The following THSD1 variants were observed in gnomAD, a reference collection of about 807,000 sequenced individuals.
THSD1 encodes the protein thrombospondin type-1 domain-containing protein 1.
Under a neutral mutation model 46.3 loss-of-function variants are expected in THSD1, and 34 were observed. That is an observed-to-expected ratio of 0.74 (90% CI 0.56 to 0.98). The LOEUF (loss-of-function observed/expected upper bound fraction) is 0.98. Among genes scored for constraint, THSD1 ranks in the 50% least tolerant of loss-of-function variants. THSD1 has a pLI of 0.00. For synonymous variants in THSD1, 407 were observed against 416.5 expected, an observed-to-expected ratio of 0.98 and a Z score of 0.28; for missense variants, 1,023 against 1,058.3, an observed-to-expected ratio of 0.97 and a Z score of 0.46.
At chr13:52,401,192 C>T (rs1175489546) in intron 2 of THSD1, among the ~76,000 whole-genome samples, 2 of 152,196 alleles carry the variant, frequency 1.3e-5, no homozygotes, top group African/African-American at 2.4e-5. Context: ...CCAGGATGGT[C>T]TCAATCTCTT....
intron 1 of THSD1, among the ~76,000 whole-genome samples, chr13:52,403,938 A>ATTTTTTTTTTTTT (rs67802176): frequency 1.6e-5 from 1 of 63,920 alleles, no homozygotes; most frequent in East Asian, 6.6e-4. Flanking sequence ...CATTATTCAC[A>ATTTTTTTTTTTTT]TTTTTTTTTT....
intron 3 of THSD1, among the ~76,000 whole-genome samples, chr13:52,387,321 C>T (rs1413316943): frequency 6.6e-6 from 1 of 152,118 alleles, no homozygotes; most frequent in East Asian, 1.9e-4. Context: ...CTATATTAAC[C>T]CAATACCCAA....
intron 2 of THSD1, among the ~76,000 whole-genome samples, chr13:52,401,751 C>T (rs185582245): frequency 2.4e-3 from 360 of 152,318 alleles, no homozygotes; most frequent in South Asian, 0.014. Flanking sequence ...ACCAGCTATG[C>T]CATTCACATT....
chr13:52,386,028 C>T lies in THSD1; in HGVS notation c.1180G>A (p.Ala394Thr), dbSNP rs772795465. ...TCCCGAAGGAAGCAAGAATACCTAC[C>T]AGCACACTCCTCCAGGGAACACAGG... ...ASLCSLEECA[A>T]FQPSSPSPLQ... Residue 394 changes from alanine (A) to threonine (T), a missense_variant and splice_region_variant, in exon 4 of 5, where the codon GCT (alanine) becomes ACT (threonine). Physicochemically the swap from Ala to Thr is moderately conservative, Grantham distance 58 (BLOSUM62 0). Coordinates refer to ENST00000258613, the MANE Select transcript of THSD1 (RefSeq NM_018676.4). 1.2e-6 allele frequency: 2 copies of T among 1,613,492 alleles called. No individual in the cohort carries two copies. Among genetic ancestry groups the T allele is most frequent in the South Asian group, 2.2e-5 (2 of 91,016 alleles).
chr13:52,388,321 G>A lies in THSD1; in HGVS notation c.1022-2135C>T, dbSNP rs868299141. ...AGAAATGTTCAAAGAAATCCTTTGG[G>A]CAGAAAGAAAATGTTACCAGACAAA... On this transcript the variant is annotated intron_variant, in intron 3 of 4. Transcript: ENST00000258613. Among the ~76,000 whole-genome samples, 5 of 152,102 alleles carry A rather than the reference G, an allele frequency of 3.3e-5. No homozygotes were observed. In the South Asian group the frequency reaches 6.2e-4, roughly 19 times the overall value.
At chr13:52,381,492 A>G (rs1282000742) in intron 4 of THSD1, among the ~76,000 whole-genome samples, 1 of 152,192 alleles carries the variant, frequency 6.6e-6, no homozygotes, top group African/African-American at 2.4e-5. Flanking sequence ...TAGCACTCTA[A>G]TAGGTCACAC....
intron 3 of THSD1, among the ~76,000 whole-genome samples, chr13:52,394,044 A>C (rs993919537): frequency 3.3e-5 from 5 of 152,004 alleles, no homozygotes; most frequent in African/African-American, 1.2e-4. Context: ...CCCCACAGGG[A>C]GCCCCTGACT....
intron 1 of THSD1, among the ~76,000 whole-genome samples, chr13:52,404,248 C>T (rs1001115939): frequency 6.6e-6 from 1 of 152,094 alleles, no homozygotes; most frequent in Admixed American, 6.5e-5. Flanking sequence ...ACCCAGCCCA[C>T]AGTTAATCAT....
chr13:52,400,952 C>T (rs1307282770), intron 2 of THSD1, among the ~76,000 whole-genome samples: 2 of 151,982 alleles, frequency 1.3e-5, no homozygotes, highest in Non-Finnish European at 2.9e-5. Context: ...GTAGAGTAAT[C>T]TGTGTTTTTT....
intron 4 of THSD1, among the ~76,000 whole-genome samples, chr13:52,383,161 A>G (rs917262271): frequency 6.6e-6 from 1 of 152,150 alleles, no homozygotes; most frequent in Non-Finnish European, 1.5e-5. Flanking sequence ...CTGAGCTACT[A>G]TAAGCCCCTT....
In THSD1 at chr13:52,397,461, T is replaced by A; in HGVS notation, c.792A>T (p.Pro264=). Reference sequence around the variant, plus strand: ...TGACCACTCCTTGGACGAAGGTGCATGGTGGAGGCAGCACTGTCACCTCTA... The same window carrying A: ...TGACCACTCCTTGGACGAAGGTGCAAGGTGGAGGCAGCACTGTCACCTCTA... ...SGVEVTVLPP[P]CTFVQGVVTV... is the part of the protein sequence containing the mutation. Residue 264 remains proline (P), a synonymous_variant, in exon 3 of 5, where the codon CCA becomes CCT. Coordinates refer to ENST00000258613, the MANE Select transcript of THSD1 (RefSeq NM_018676.4). 2 of 1,614,078 alleles carry A rather than the reference T, an allele frequency of 1.2e-6. No individual in the cohort carries two copies. Among genetic ancestry groups the A allele is most frequent in the Non-Finnish European group, 1.7e-6 (2 of 1,180,024 alleles).
chr13:52,385,596 T>C (rs1395211748), intron 4 of THSD1, among the ~76,000 whole-genome samples: 1 of 152,028 alleles, frequency 6.6e-6, no homozygotes, highest in African/African-American at 2.4e-5. Flanking sequence ...TTTTGACAAA[T>C]AATGGTCTAT....
At chr13:52,396,682 T>C (rs921938776) in intron 3 of THSD1, among the ~76,000 whole-genome samples, 1 of 152,178 alleles carries the variant, frequency 6.6e-6, no homozygotes, top group South Asian at 2.1e-4. Context: ...TGTTTCTTCA[T>C]GATTAGGTGG....
chr13:52,391,935 G>A (rs1957775742), intron 3 of THSD1, among the ~76,000 whole-genome samples: 1 of 151,478 alleles, frequency 6.6e-6, no homozygotes, highest in African/African-American at 2.4e-5. Context: ...GCTCATGCCT[G>A]TAATCCCAGG....
chr13:52,396,323 A>C (rs1957810577), intron 3 of THSD1, among the ~76,000 whole-genome samples: 1 of 152,128 alleles, frequency 6.6e-6, no homozygotes, highest in African/African-American at 2.4e-5. Context: ...GGAGATCGAG[A>C]CCATCCTGGC....
intron 3 of THSD1, among the ~76,000 whole-genome samples, chr13:52,389,706 T>C (rs562355037): frequency 6.6e-6 from 1 of 152,220 alleles, no homozygotes; most frequent in Admixed American, 6.5e-5. Context: ...ACCTTAATCC[T>C]AAATGAGGAT....
chr13:52,387,007 A>G (rs1957736243), intron 3 of THSD1, among the ~76,000 whole-genome samples: 1 of 152,154 alleles, frequency 6.6e-6, no homozygotes, highest in Non-Finnish European at 1.5e-5. Context: ...GGAACACAGC[A>G]CTTGCCTAAG....
chr13:52,397,374 G>A lies in THSD1; in HGVS notation c.879C>T (p.Ser293=), dbSNP rs1957819798. The A allele has an allele frequency of 1.2e-6, 2 of 1,614,126 alleles. No homozygotes were observed. Among genetic ancestry groups the A allele is most frequent in the African/African-American group, 2.7e-5 (2 of 75,020 alleles). ...GKRTIHLAEN[S]LPLGERRTIF... ...TTGTCCTCCTCTCTCCCAGGGGCAG[G>A]CTGTTTTCAGCCAAGTGAATGGTCC... Residue 293 remains serine, a synonymous_variant, in exon 3 of 5, where the codon AGC becomes AGT. Coordinates refer to ENST00000258613, the MANE Select transcript of THSD1 (RefSeq NM_018676.4).
In THSD1 at chr13:52,377,532, T is replaced by A; in HGVS notation, c.2438A>T (p.Asp813Val). 1 of 1,600,530 alleles carries A rather than the reference T, an allele frequency of 6.2e-7. No homozygotes were observed. The highest frequency in any genetic ancestry group is 8.6e-7 in the Non-Finnish European group (1 of 1,168,608). Residue 813 changes from aspartate (D) to valine (V), a missense_variant, in exon 5 of 5, where the codon GAC becomes GTC. Around this residue, in one of 3 missense-constraint regions of THSD1, gnomAD observed 578 missense variants for 497.4 expected, o/e 1.16. Transcript: ENST00000258613. ...FPTHPEFAFY[D>V]NTSFGLTEAE... ...CTCAGTGAGGCCAAACGACGTATTG[T>A]CATAGAAGGCAAACTCAGGGTGAGT...
Sources: allele counts gnomAD v4.1 joint callset (sites outside exome capture counted in the v4.1 genomes callset), GRCh38; gene constraint gnomAD v4.1.1; regional missense constraint gnomAD v4.1.1; transcripts MANE v1.5; gene names NCBI Gene and HGNC (gene_info 2026-07-23, HGNC 2026-07-21).